PTPRD: variants seen among roughly 807,000 people sequenced by gnomAD.
PTPRD encodes the protein protein tyrosine phosphatase receptor type D, also known as receptor-type tyrosine-protein phosphatase delta.
In PTPRD, 34 loss-of-function variants were observed where a neutral mutation model predicts 214.5. That is an observed-to-expected ratio of 0.16 (90% CI 0.12 to 0.21). PTPRD has a LOEUF of 0.21. Among genes scored for constraint, PTPRD ranks in the 10% least tolerant of loss-of-function variants. The pLI, the probability that PTPRD is intolerant of heterozygous loss-of-function variation, is 1.00. For missense variants in PTPRD, 2,545 were observed against 2,398.7 expected, an observed-to-expected ratio of 1.06 and a Z score of -1.27; for synonymous variants, 1,128 against 845.7, an observed-to-expected ratio of 1.33 and a Z score of -5.79.
At chr9:8,940,066 GA>G (rs35415741) in intron 11 of PTPRD, among the ~76,000 whole-genome samples, 72,116 of 147,390 alleles carry the variant, frequency 0.49, 17,926 homozygotes, top group East Asian at 0.76. Flanking sequence ...AATAAGTTTG[GA>G]AAAAAAAAAA....
At chr9:8,725,727 T>A (rs1033054671) in intron 12 of PTPRD, among the ~76,000 whole-genome samples, 1 of 152,202 alleles carries the variant, frequency 6.6e-6, no homozygotes, top group Non-Finnish European at 1.5e-5. Context: ...GTGTGTGCTA[T>A]ATTTATCTTC....
chr9:10,608,114 C>T (rs2079970656), intron 2 of PTPRD, among the ~76,000 whole-genome samples: 1 of 151,880 alleles, frequency 6.6e-6, no homozygotes, highest in Admixed American at 6.6e-5. Flanking sequence ...TTACAGTCTA[C>T]ATGTATGTAA....
chr9:10,250,997 ATTG>A (rs1169597970), intron 3 of PTPRD, among the ~76,000 whole-genome samples: 1 of 152,070 alleles, frequency 6.6e-6, no homozygotes, highest in Non-Finnish European at 1.5e-5. Flanking sequence ...CAGAAATGTA[ATTG>A]TTTATGTTAT....
intron 14 of PTPRD, among the ~76,000 whole-genome samples, chr9:8,531,483 T>C (rs545738148): frequency 5.3e-5 from 8 of 152,202 alleles, no homozygotes; most frequent in Non-Finnish European, 7.4e-5. Flanking sequence ...AGGATAAAAG[T>C]AATTTACCTC....
intron 35 of PTPRD, among the ~76,000 whole-genome samples, chr9:8,417,625 T>G (rs2094036571): frequency 6.6e-6 from 1 of 152,172 alleles, no homozygotes. Flanking sequence ...CATAGTTTAC[T>G]GAGTCTGAAC....
chr9:10,411,286 C>G (rs771738585), intron 2 of PTPRD, among the ~76,000 whole-genome samples: 69 of 151,808 alleles, frequency 4.5e-4, no homozygotes, highest in Non-Finnish European at 8.1e-4. Flanking sequence ...TACTACTTGG[C>G]AACCAAAATC....
chr9:9,252,866 C>T (rs4740974), intron 9 of PTPRD, among the ~76,000 whole-genome samples: 17,038 of 151,986 alleles, frequency 0.11, 1,198 homozygotes, highest in Admixed American at 0.17. Flanking sequence ...GCCAATCACA[C>T]GCAAGAGTAG....
chr9:8,739,447 T>G (rs1323015987), intron 11 of PTPRD, among the ~76,000 whole-genome samples: 2 of 152,248 alleles, frequency 1.3e-5, no homozygotes, highest in African/African-American at 4.8e-5. Context: ...CTAGTGCGAC[T>G]GAGGAAGTAA....
intron 3 of PTPRD, among the ~76,000 whole-genome samples, chr9:10,223,409 A>C (rs2099577862): frequency 1.3e-5 from 2 of 152,008 alleles, no homozygotes; most frequent in South Asian, 2.1e-4. Context: ...TCACACCTGT[A>C]ATCTCAGCAG....
chr9:9,890,676 C>G (rs984932047), intron 5 of PTPRD, among the ~76,000 whole-genome samples: 1 of 151,974 alleles, frequency 6.6e-6, no homozygotes, highest in Admixed American at 6.6e-5. Flanking sequence ...AGAACTGACC[C>G]ACAGAGACTC....
intron 8 of PTPRD, among the ~76,000 whole-genome samples, chr9:9,540,904 C>G (rs1292562953): frequency 1.3e-5 from 2 of 151,688 alleles, no homozygotes; most frequent in Non-Finnish European, 2.9e-5. Flanking sequence ...ATTTTTGTTC[C>G]TATCCTAATA....
intron 4 of PTPRD, among the ~76,000 whole-genome samples, chr9:9,949,752 G>A (rs1403672380): frequency 2.0e-5 from 3 of 152,144 alleles, no homozygotes; most frequent in Non-Finnish European, 2.9e-5. Context: ...GAGCAAGTAT[G>A]TAGACTCAGG....
intron 5 of PTPRD, among the ~76,000 whole-genome samples, chr9:9,852,526 A>G (rs1171838191): frequency 3.9e-5 from 6 of 152,126 alleles, no homozygotes; most frequent in Non-Finnish European, 8.8e-5. Flanking sequence ...GAAACCTGCT[A>G]TAGTGTCTAG....
intron 7 of PTPRD, among the ~76,000 whole-genome samples, chr9:9,614,688 C>A (rs992703276): frequency 1.3e-5 from 2 of 152,094 alleles, no homozygotes; most frequent in African/African-American, 4.8e-5. Context: ...TATCATGATG[C>A]TGATAGATAT....
At chr9:8,564,294 AT>A (rs1295610729) in intron 14 of PTPRD, among the ~76,000 whole-genome samples, 6 of 152,298 alleles carry the variant, frequency 3.9e-5, no homozygotes, top group African/African-American at 1.4e-4. Flanking sequence ...GATTTACAAT[AT>A]TTTAAATTAT....
intron 14 of PTPRD, among the ~76,000 whole-genome samples, chr9:8,606,490 C>G (rs1445701488): frequency 6.6e-6 from 1 of 152,078 alleles, no homozygotes; most frequent in Non-Finnish European, 1.5e-5. Flanking sequence ...AGAATCCAGA[C>G]CATATGATGT....
intron 10 of PTPRD, among the ~76,000 whole-genome samples, chr9:9,113,902 G>A (rs1226451146): frequency 6.6e-6 from 1 of 152,154 alleles, no homozygotes; most frequent in Non-Finnish European, 1.5e-5. Context: ...AACTGGCTTA[G>A]TATTCACCAA....
At chr9:10,298,880 G>T (rs1011035715) in intron 3 of PTPRD, among the ~76,000 whole-genome samples, 2 of 151,906 alleles carry the variant, frequency 1.3e-5, no homozygotes, top group African/African-American at 4.8e-5. Context: ...GTTTCTTGAA[G>T]GCACTGAGAT....
At chr9:9,738,187 G>T (rs1442325733) in intron 6 of PTPRD, among the ~76,000 whole-genome samples, 1 of 151,948 alleles carries the variant, frequency 6.6e-6, no homozygotes, top group African/African-American at 2.4e-5. Flanking sequence ...CACCAACGTG[G>T]CACATGTATA....
Sources: gnomAD v4.1 joint callset for allele counts (sites outside exome capture counted in the v4.1 genomes callset) on GRCh38, gnomAD v4.1.1 for gene constraint, MANE v1.5 for transcripts, NCBI Gene and HGNC (gene_info 2026-07-23, HGNC 2026-07-21) for gene names.